MAP1LC3B2: variants seen among roughly 807,000 people sequenced by gnomAD.
The protein encoded by MAP1LC3B2 is microtubule-associated protein 1 light chain 3 beta 2.
For synonymous variants in MAP1LC3B2, 62 were observed against 57.8 expected (o/e 1.07, Z -0.33); for missense variants, 155 against 154.6 (o/e 1.00, Z -0.01).
intron 1 of MAP1LC3B2, among the ~76,000 whole-genome samples, chr12:116,567,517 G>A (rs1341185012): frequency 1.3e-5 from 2 of 148,754 alleles, no homozygotes; most frequent in Non-Finnish European, 3.0e-5. Flanking sequence ...GGAGGCCGAC[G>A]TGGGTGGATC....
chr12:116,572,747 C>T (rs1438161235), intron 1 of MAP1LC3B2, among the ~76,000 whole-genome samples: 1 of 152,202 alleles, frequency 6.6e-6, no homozygotes, highest in Non-Finnish European at 1.5e-5. Flanking sequence ...ACTTACTATT[C>T]TGTGGAACAC....
At chr12:116,567,765 A>AATAT (rs948359368) in intron 1 of MAP1LC3B2, among the ~76,000 whole-genome samples, 1 of 151,154 alleles carries the variant, frequency 6.6e-6, no homozygotes, top group East Asian at 1.9e-4. Context: ...AAAATAAAAA[A>AATAT]ATATATATAT....
intron 1 of MAP1LC3B2, among the ~76,000 whole-genome samples, chr12:116,566,142 T>C (rs1020019065): frequency 2.0e-5 from 3 of 152,338 alleles, no homozygotes; most frequent in Non-Finnish European, 2.9e-5. Context: ...AGCCTGCCAA[T>C]GTTCAAGGAA....
At chr12:116,563,164 G>A (rs372600869) in intron 1 of MAP1LC3B2, among the ~76,000 whole-genome samples, 15 of 152,050 alleles carry the variant, frequency 9.9e-5, no homozygotes, top group East Asian at 3.9e-4. Context: ...TCTCCATGTC[G>A]GTCAGGCTGA....
intron 1 of MAP1LC3B2, among the ~76,000 whole-genome samples, chr12:116,570,036 G>T (rs1869488744): frequency 6.6e-6 from 1 of 152,054 alleles, no homozygotes; most frequent in Admixed American, 6.6e-5. Context: ...CCTGGCCACA[G>T]AGTGAGACTC....
intron 1 of MAP1LC3B2, among the ~76,000 whole-genome samples, chr12:116,572,567 T>C (rs561542736): frequency 1.1e-4 from 17 of 152,178 alleles, no homozygotes; most frequent in African/African-American, 4.1e-4. Flanking sequence ...GGTTTCACCG[T>C]GTTAGCCAGG....
intron 1 of MAP1LC3B2, among the ~76,000 whole-genome samples, chr12:116,571,663 A>G (rs1869538580): frequency 6.6e-6 from 1 of 150,692 alleles, no homozygotes; most frequent in Non-Finnish European, 1.5e-5. Flanking sequence ...TTGTATTTTT[A>G]GTAGAGACGG....
chr12:116,560,309 C>T (rs1206407792), intron 1 of MAP1LC3B2, among the ~76,000 whole-genome samples: 21 of 149,870 alleles, frequency 1.4e-4, no homozygotes, highest in Non-Finnish European at 2.4e-4. Context: ...AATGCAGTGG[C>T]GCGCTCTCGG....
At chr12:116,560,232 ATATATATATGTATG>A (rs1869233775) in intron 1 of MAP1LC3B2, 1 of 60,830 alleles carries the variant, frequency 1.6e-5, no homozygotes, top group Admixed American at 2.1e-4. Flanking sequence ...ATATATATAT[ATATATATATGTATG>A]TATATGTATA....
chr12:116,561,403 T>A (rs1167652813), intron 1 of MAP1LC3B2, among the ~76,000 whole-genome samples: 1 of 152,152 alleles, frequency 6.6e-6, no homozygotes, highest in African/African-American at 2.4e-5. Context: ...AGGGCACTCA[T>A]AAGAAACTAA....
At chr12:116,565,832 C>A (rs1236428258) in intron 1 of MAP1LC3B2, among the ~76,000 whole-genome samples, 2 of 152,110 alleles carry the variant, frequency 1.3e-5, no homozygotes, top group Non-Finnish European at 2.9e-5. Flanking sequence ...GAGATTGGCC[C>A]CTTGGCAGGC....
intron 1 of MAP1LC3B2, among the ~76,000 whole-genome samples, chr12:116,572,035 G>C (rs1869551357): frequency 2.0e-5 from 3 of 151,312 alleles, no homozygotes; most frequent in Admixed American, 6.6e-5. Flanking sequence ...GGGTGTGATT[G>C]AATGTTACCG....
Position 116,576,075 on chromosome 12 carries a change from C to G in MAP1LC3B2, c.133C>G (p.Pro45Ala), listed in dbSNP as rs749941192. 13 of 1,614,094 alleles carry G rather than the reference C, an allele frequency of 8.1e-6. No individual in the cohort carries two copies. In the African/African-American group the frequency reaches 1.7e-4, roughly 22 times the overall value. ...ACGATACAAGGGTGAGAAGCAGCTT[C>G]CTGTTCTGGATAAAACAAAGTTCCT... ...IERYKGEKQL[P>A]VLDKTKFLVP... Residue 45 changes from proline (P) to alanine (A), a missense_variant, in exon 2 of 2, where the codon CCT (proline) becomes GCT (alanine). Transcript: ENST00000556529.
intron 1 of MAP1LC3B2, among the ~76,000 whole-genome samples, chr12:116,572,533 T>A (rs1056618515): frequency 2.6e-5 from 4 of 151,940 alleles, no homozygotes; most frequent in African/African-American, 9.7e-5. Flanking sequence ...CCCGGCTAAT[T>A]TTTTGTATTT....
intron 1 of MAP1LC3B2, among the ~76,000 whole-genome samples, chr12:116,572,920 G>A (rs928314011): frequency 2.0e-5 from 3 of 152,098 alleles, no homozygotes; most frequent in African/African-American, 4.8e-5. Context: ...CAATTGTGGC[G>A]GATTTTTTTT....
intron 1 of MAP1LC3B2, among the ~76,000 whole-genome samples, chr12:116,564,752 G>A (rs761902596): frequency 1.9e-4 from 29 of 152,248 alleles, no homozygotes; most frequent in South Asian, 4.1e-4. Flanking sequence ...GGGACTTTGC[G>A]TCACAAATTT....
At chr12:116,567,579 C>T (rs1196134358) in intron 1 of MAP1LC3B2, among the ~76,000 whole-genome samples, 1 of 150,744 alleles carries the variant, frequency 6.6e-6, no homozygotes, top group Non-Finnish European at 1.5e-5. Context: ...GACTCCAGGT[C>T]TCTACTAAAA....
intron 1 of MAP1LC3B2, among the ~76,000 whole-genome samples, chr12:116,566,870 G>T (rs990466431): frequency 3.8e-5 from 5 of 131,468 alleles, no homozygotes; most frequent in Non-Finnish European, 7.8e-5. Context: ...GGTAGAGGTT[G>T]CAGAGAGCCA....
At chr12:116,572,670 T>A (rs939618934) in intron 1 of MAP1LC3B2, among the ~76,000 whole-genome samples, 5 of 152,250 alleles carry the variant, frequency 3.3e-5, no homozygotes, top group South Asian at 2.1e-4. Context: ...AGCCAAGGCA[T>A]GCCTCAGTTC....
Sources: allele counts gnomAD v4.1 joint callset (sites outside exome capture counted in the v4.1 genomes callset), GRCh38; gene constraint gnomAD v4.1.1; transcripts MANE v1.5; gene names NCBI Gene and HGNC (gene_info 2026-07-23, HGNC 2026-07-21).